ELAVL2: variants seen among roughly 807,000 people sequenced by gnomAD.
ELAVL2 encodes ELAV like RNA binding protein 2, also known as ELAV-like protein 2.
ELAVL2 carries 4 observed loss-of-function variants against 34.6 expected under a neutral mutation model. That is an observed-to-expected ratio of 0.12 (90% CI 0.06 to 0.26). ELAVL2 has a LOEUF of 0.26. Ranked by LOEUF, ELAVL2 falls within the 10% of genes least tolerant of loss-of-function variation. The pLI is 1.00. For synonymous variants in ELAVL2, 193 were observed against 154.8 expected (o/e 1.25, Z -1.83); for missense variants, 432 against 442.8 (o/e 0.98, Z 0.22).
intron 1 of ELAVL2, among the ~76,000 whole-genome samples, chr9:23,799,387 G>A (rs1022845121): frequency 5.9e-5 from 9 of 152,104 alleles, no homozygotes; most frequent in African/African-American, 1.9e-4. Context: ...CCTGAAAAGT[G>A]AGTATTTTCC....
At chr9:23,774,702 C>T (rs1184085989) in intron 1 of ELAVL2, among the ~76,000 whole-genome samples, 1 of 140,372 alleles carries the variant, frequency 7.1e-6, no homozygotes, top group African/African-American at 2.6e-5. Flanking sequence ...CCTCTTTGAG[C>T]CTGCTTATGC....
the ELAVL2 span, among the ~76,000 whole-genome samples, chr9:23,843,451 T>C: frequency 6.6e-6 from 1 of 151,954 alleles, no homozygotes; most frequent in Non-Finnish European, 1.5e-5. Context: ...CATTTAGGAG[T>C]TTAAGAAACA....
intron 2 of ELAVL2, among the ~76,000 whole-genome samples, chr9:23,744,622 T>C (rs1036309245): frequency 6.6e-6 from 1 of 152,094 alleles, no homozygotes; most frequent in East Asian, 1.9e-4. Flanking sequence ...ACTTAGATTA[T>C]AAACTTTATT....
At chr9:23,711,161 A>T (rs1398103731) in intron 3 of ELAVL2, among the ~76,000 whole-genome samples, 1 of 152,238 alleles carries the variant, frequency 6.6e-6, no homozygotes, top group African/African-American at 2.4e-5. Context: ...GTTAGAGCTA[A>T]AAGAAATAAT....
Position 23,701,561 on chromosome 9 carries a change from A to G in ELAVL2, c.531T>C (p.Ile177=), listed in dbSNP as rs777725491. 9 of 1,614,056 alleles carry G rather than the reference A, an allele frequency of 5.6e-6. No homozygotes were observed. The highest frequency in any genetic ancestry group is 7.6e-6 in the Non-Finnish European group (9 of 1,179,976). ...GVGFIRFDKR[I]EAEEAIKGLN... ...GGCCTTTGATAGCTTCTTCTGCCTC[A>G]ATTCGCTTGTCAAATCGAATAAACC... Residue 177 remains isoleucine (I), a synonymous_variant, in exon 5 of 7, where the codon ATT becomes ATC. Transcript: ENST00000397312.
intron 1 of ELAVL2, among the ~76,000 whole-genome samples, chr9:23,804,175 T>TA (rs1254819867): frequency 1.3e-5 from 2 of 148,602 alleles, no homozygotes; most frequent in East Asian, 4.0e-4. Flanking sequence ...ATTTATTTAT[T>TA]TATTTATTTT....
rs1043985136 is a variant in ELAVL2 at position 23,690,859 on chromosome 9, A to G, written c.*1698T>C. On this transcript the variant is annotated 3_prime_UTR_variant, in exon 7 of 7. Coordinates refer to ENST00000397312, the MANE Select transcript of ELAVL2 (RefSeq NM_004432.5). Reference sequence around the variant, plus strand: ...AGATGCTAATCAGAAAATATTTTGTATTTTTTAAAATTTCTTTCATACATG... The same window carrying G: ...AGATGCTAATCAGAAAATATTTTGTGTTTTTTAAAATTTCTTTCATACATG... The G allele has an allele frequency of 1.3e-5, 2 of 152,480 alleles. No individual in the cohort carries two copies. The highest frequency in any genetic ancestry group is 2.9e-5 in the Non-Finnish European group (2 of 67,962). 9.4% of individuals were successfully genotyped at this position (152,480 alleles called of 1,614,324 possible). A position where few individuals can be genotyped will look rare whatever the true frequency, so the allele number is the denominator to read the frequency against.
intron 2 of ELAVL2, among the ~76,000 whole-genome samples, chr9:23,739,292 T>C (rs936533865): frequency 4.6e-5 from 7 of 152,158 alleles, no homozygotes; most frequent in East Asian, 1.9e-4. Flanking sequence ...TCATCACTTA[T>C]TGATATAGGT....
intron 1 of ELAVL2, among the ~76,000 whole-genome samples, chr9:23,767,963 C>A (rs551518474): frequency 3.3e-5 from 5 of 152,204 alleles, no homozygotes; most frequent in Non-Finnish European, 7.4e-5. Flanking sequence ...GGTGAGGCTG[C>A]GCCTGTTGCT....
At chr9:23,700,472 A>C (rs1161490799) in intron 5 of ELAVL2, among the ~76,000 whole-genome samples, 1 of 152,222 alleles carries the variant, frequency 6.6e-6, no homozygotes, top group African/African-American at 2.4e-5. Flanking sequence ...TACACCTGTC[A>C]GTGAGATAGA....
chr9:23,803,262 T>C (rs1588658682), intron 1 of ELAVL2, among the ~76,000 whole-genome samples: 2 of 152,190 alleles, frequency 1.3e-5, no homozygotes, highest in Non-Finnish European at 2.9e-5. Flanking sequence ...ACATAAACAT[T>C]GTCGGGGAAA....
chr9:23,759,715 T>C (rs979683084), intron 2 of ELAVL2, among the ~76,000 whole-genome samples: 1 of 141,014 alleles, frequency 7.1e-6, no homozygotes, highest in Non-Finnish European at 1.5e-5. Flanking sequence ...TATATAGTAG[T>C]GTACACGTAA....
the ELAVL2 span, among the ~76,000 whole-genome samples, chr9:23,842,891 G>A: frequency 2.0e-5 from 3 of 152,062 alleles, no homozygotes; most frequent in Non-Finnish European, 4.4e-5. Flanking sequence ...GTTCAATAAA[G>A]CGATGTTTAA....
chr9:23,745,510 T>C (rs952005800), intron 2 of ELAVL2, among the ~76,000 whole-genome samples: 1 of 152,080 alleles, frequency 6.6e-6, no homozygotes, highest in African/African-American at 2.4e-5. Flanking sequence ...TTTTGAACAA[T>C]TACATTTACA....
In ELAVL2 at chr9:23,780,573, T is replaced by C. The variant is rs185744333; in HGVS notation, c.-15-18324A>G. ...ACCTCTTAGCTCACATCCATAACTA[T>C]GTTGGCTTATACCAACATTCTTCTT... On this transcript the variant is annotated intron_variant, in intron 1 of 6. Transcript: ENST00000397312. 2.0e-5 allele frequency among the ~76,000 whole-genome samples: 3 copies of C among 152,340 alleles called. 1 individual carries two copies. Among genetic ancestry groups the C allele is most frequent in the Admixed American group, 2.0e-4 (3 of 15,302 alleles).
At chr9:23,744,022 C>T (rs566061649) in intron 2 of ELAVL2, among the ~76,000 whole-genome samples, 1 of 152,264 alleles carries the variant, frequency 6.6e-6, no homozygotes, top group East Asian at 1.9e-4. Context: ...AAGGCTAAGA[C>T]AAGTGGATCA....
chr9:23,777,900 T>C (rs1436430619), intron 1 of ELAVL2, among the ~76,000 whole-genome samples: 1 of 152,202 alleles, frequency 6.6e-6, no homozygotes, highest in Non-Finnish European at 1.5e-5. Context: ...TGAATCTTTT[T>C]TATCCACCAA....
chr9:23,813,521 A>G (rs914725436), intron 1 of ELAVL2, among the ~76,000 whole-genome samples: 2 of 151,948 alleles, frequency 1.3e-5, no homozygotes, highest in Non-Finnish European at 2.9e-5. Flanking sequence ...TAAACAGCTC[A>G]TAACATCCTA....
intron 1 of ELAVL2, among the ~76,000 whole-genome samples, chr9:23,781,906 G>C (rs939615319): frequency 1.3e-5 from 2 of 152,014 alleles, no homozygotes; most frequent in African/African-American, 2.4e-5. Flanking sequence ...GGATGGTCTC[G>C]ATCTCCTGAC....
Sources: gnomAD v4.1 joint callset for allele counts (sites outside exome capture counted in the v4.1 genomes callset) on GRCh38, gnomAD v4.1.1 for gene constraint, MANE v1.5 for transcripts, NCBI Gene and HGNC (gene_info 2026-07-23, HGNC 2026-07-21) for gene names.